Variants in KIF26B observed in about 807,000 individuals in gnomAD.
KIF26B encodes the protein kinesin-like protein KIF26B.
In KIF26B, 63 loss-of-function variants were observed where a neutral mutation model predicts 151.2. The ratio of observed to expected loss-of-function variants is 0.42; its 90% CI spans 0.34 to 0.51. The LOEUF (loss-of-function observed/expected upper bound fraction) is 0.51, where lower values mean the gene tolerates loss of function less well. Among genes scored for constraint, KIF26B ranks in the 20% least tolerant of loss-of-function variants. The pLI, the probability that KIF26B is intolerant of heterozygous loss-of-function variation, is 0.07. For synonymous variants in KIF26B, 1,357 were observed against 1,262.1 expected, an observed-to-expected ratio of 1.08 and a Z score of -1.59; for missense variants, 2,813 against 2,913.6, an observed-to-expected ratio of 0.97 and a Z score of 0.79.
intron 2 of KIF26B, among the ~76,000 whole-genome samples, chr1:245,313,986 C>A (rs76211190): frequency 1.8e-4 from 28 of 152,286 alleles, no homozygotes; most frequent in African/African-American, 6.5e-4. Context: ...TCTCTTCCCC[C>A]TCTCGCTCTC....
At chr1:245,468,733 C>T (rs1467615539) in intron 4 of KIF26B, among the ~76,000 whole-genome samples, 1 of 151,674 alleles carries the variant, frequency 6.6e-6, no homozygotes, top group African/African-American at 2.4e-5. Context: ...AATTGAGTGA[C>T]ATTTCTCTTT....
In KIF26B at chr1:245,684,263, G is replaced by A. The variant is rs1379789740; in HGVS notation, c.2289G>A (p.Glu763=). 1 of 1,613,800 alleles carries A rather than the reference G, an allele frequency of 6.2e-7. No individual in the cohort carries two copies. Among genetic ancestry groups the A allele is most frequent in the Non-Finnish European group, 8.5e-7 (1 of 1,179,734 alleles). The stretch of plus-strand genomic sequence containing the variant: ...GCAAGCTCGCCATGTTGCTGCGGGA[G>A]TCTCTGGGGAACATGAACTGCCGTA... ...KESKLAMLLR[E]SLGNMNCRTT... The change falls in exon 11 of 15, where the codon GAG becomes GAA. Residue 763 remains glutamate (E), a synonymous_variant. Transcript: ENST00000407071.
At chr1:245,500,063 AAG>A (rs1660590064) in intron 4 of KIF26B, among the ~76,000 whole-genome samples, 1 of 152,232 alleles carries the variant, frequency 6.6e-6, no homozygotes, top group African/African-American at 2.4e-5. Flanking sequence ...TGTGCTTGCT[AAG>A]AACGGTGGAA....
In KIF26B at chr1:245,290,709, G is replaced by A. The variant is rs371080013; in HGVS notation, c.466-76125G>A. ...TTGTGCCAACCTCCTGTCTCATCCT[G>A]TGATTAAGAATGCAGCCCAGCAGGT... On this transcript the variant is annotated intron_variant, in intron 2 of 14. Transcript: ENST00000407071. Among the ~76,000 whole-genome samples, 7 of 152,310 alleles carry A rather than the reference G, an allele frequency of 4.6e-5. No individual in the cohort carries two copies. The East Asian group carries it at 7.7e-4, about 17-fold the overall frequency.
intron 2 of KIF26B, among the ~76,000 whole-genome samples, chr1:245,364,422 CTTTTTTTTTTTTTT>C (rs763619030): frequency 4.0e-5 from 4 of 98,912 alleles, no homozygotes; most frequent in African/African-American, 1.8e-4. Flanking sequence ...CTCTCTCTCT[CTTTTTTTTTTTTTT>C]TTTTTTTTTG....
At position 245,704,508 on chromosome 1, in the gene KIF26B, T is replaced by TAA. The variant is rs1349679037; in HGVS notation, c.*1903_*1904dup. The TAA allele has an allele frequency of 6.6e-6, 1 of 152,260 alleles. No individual in the cohort carries two copies. The highest frequency in any genetic ancestry group is 1.9e-4 in the East Asian group (1 of 5,186). The allele number at this position is 152,260 out of a possible 1,614,324, so 9.4% of individuals were successfully genotyped here. ...CACGAGTCTGGCTTTGCACTTTCCA[T>TAA]AAGAGTCTGCTTCTATGCAAAGGTG... On this transcript the variant is annotated 3_prime_UTR_variant, in exon 15 of 15. Transcript: ENST00000407071.
At chr1:245,649,305 G>A (rs182144765) in intron 10 of KIF26B, among the ~76,000 whole-genome samples, 122 of 152,324 alleles carry the variant, frequency 8.0e-4, no homozygotes, top group African/African-American at 2.8e-3. Context: ...GTGGGTGGCA[G>A]GATCAAACTG....
intron 9 of KIF26B, among the ~76,000 whole-genome samples, chr1:245,630,833 T>A (rs1479155907): frequency 1.3e-5 from 2 of 152,242 alleles, no homozygotes; most frequent in Non-Finnish European, 2.9e-5. Context: ...TCAATTTTTT[T>A]ATCAGTATTT....
chr1:245,157,771 C>G (rs1668470395), intron 2 of KIF26B, among the ~76,000 whole-genome samples: 1 of 152,210 alleles, frequency 6.6e-6, no homozygotes, highest in Non-Finnish European at 1.5e-5. Context: ...GATACATCTG[C>G]CGTGACATCC....
rs1482210656 is a variant in KIF26B, at chr1:245,227,703, T to TA, written c.465+71027dup. On this transcript the variant is annotated intron_variant, in intron 2 of 14. Transcript: ENST00000407071. This position sits in a 1 kb window ranked among gnomAD's most constrained non-coding sequence, Gnocchi z 4.1. ...TTTCCAAAAACCTTTTGGTAGTCAT[T>TA]AAAAAAACACTCTGAGGCTGGGTGT... is the stretch of plus-strand genomic sequence containing the variant. Among the ~76,000 whole-genome samples, 1 of 152,106 alleles carries TA rather than the reference T, an allele frequency of 6.6e-6. No individual in the cohort carries two copies. The highest frequency in any genetic ancestry group is 2.4e-5 in the African/African-American group (1 of 41,420).
chr1:245,669,489 A>G (rs1020221061), intron 10 of KIF26B, among the ~76,000 whole-genome samples: 2 of 152,162 alleles, frequency 1.3e-5, no homozygotes, highest in Non-Finnish European at 2.9e-5. Context: ...AACAACCATC[A>G]CCACACCCAG....
At position 245,495,681 on chromosome 1, in the gene KIF26B, A is replaced by C. The variant is rs908453422; in HGVS notation, c.1167-45086A>C. ...TCCTTCCTACCTTTCTCAGCCTCTA[A>C]CACCTAAAATTCTACTTCAAAATGT... On this transcript the variant is annotated intron_variant, in intron 4 of 14. Coordinates refer to ENST00000407071, the MANE Select transcript of KIF26B (RefSeq NM_018012.4). This position sits in a 1 kb window ranked among gnomAD's most constrained non-coding sequence, Gnocchi z 4.2. Among the ~76,000 whole-genome samples, 9 of 152,168 alleles carry C rather than the reference A, an allele frequency of 5.9e-5. No individual in the cohort carries two copies. The highest frequency in any genetic ancestry group is 1.9e-4 in the African/African-American group (8 of 41,432).
chr1:245,405,384 C>A (rs549792659), intron 3 of KIF26B, among the ~76,000 whole-genome samples: 1 of 152,314 alleles, frequency 6.6e-6, no homozygotes, highest in African/African-American at 2.4e-5. Context: ...GGTTTTGATT[C>A]TTAAGCCATT....
chr1:245,196,100 T>C (rs1424030540), intron 2 of KIF26B, among the ~76,000 whole-genome samples: 4 of 152,168 alleles, frequency 2.6e-5, no homozygotes, highest in Non-Finnish European at 1.5e-5. Flanking sequence ...TAGAGCCTTA[T>C]ATATTATGGT....
intron 10 of KIF26B, among the ~76,000 whole-genome samples, chr1:245,662,784 C>CAA (rs2044170768): frequency 5.0e-5 from 1 of 20,152 alleles, no homozygotes. Flanking sequence ...CATGCATGCC[C>CAA]TGGGTATAAA....
chr1:245,672,944 G>A (rs942131605), intron 10 of KIF26B, among the ~76,000 whole-genome samples: 2 of 152,012 alleles, frequency 1.3e-5, no homozygotes, highest in African/African-American at 4.8e-5. Flanking sequence ...ATCTTGTACC[G>A]CTTTGGAGAA....
chr1:245,505,899 C>G (rs955021834), intron 4 of KIF26B, among the ~76,000 whole-genome samples: 4 of 151,992 alleles, frequency 2.6e-5, no homozygotes, highest in Admixed American at 6.6e-5. Flanking sequence ...CATTTTAATC[C>G]TGGTGTCTTT....
At chr1:245,437,964 C>T (rs908732180) in intron 4 of KIF26B, among the ~76,000 whole-genome samples, 1 of 152,070 alleles carries the variant, frequency 6.6e-6, no homozygotes, top group Non-Finnish European at 1.5e-5. Flanking sequence ...TCAAACTTTT[C>T]CCTCTCATTA....
chr1:245,642,838 TG>T (rs1367900117), intron 9 of KIF26B, among the ~76,000 whole-genome samples: 4 of 152,190 alleles, frequency 2.6e-5, no homozygotes, highest in African/African-American at 9.7e-5. Context: ...GAGCTGTGAC[TG>T]GGCCCTCTTG....
Sources: gnomAD v4.1 joint callset for allele counts (sites outside exome capture counted in the v4.1 genomes callset) on GRCh38, gnomAD v4.1.1 for gene constraint, Gnocchi (gnomAD v3.1) non-coding constraint, MANE v1.5 for transcripts, NCBI Gene and HGNC (gene_info 2026-07-23, HGNC 2026-07-21) for gene names.